HFM1: variants seen among roughly 807,000 people sequenced by gnomAD.
HFM1 encodes probable ATP-dependent DNA helicase HFM1.
HFM1 carries 169 observed loss-of-function variants against 192.1 expected under a neutral mutation model. The ratio of observed to expected loss-of-function variants is 0.88; its 90% confidence interval spans 0.78 to 1.00. The LOEUF (loss-of-function observed/expected upper bound fraction) is 1.00. Ranked by LOEUF, HFM1 falls within the 50% of genes least tolerant of loss-of-function variation. HFM1 has a pLI of 0.00. For synonymous variants in HFM1, 525 were observed against 537.8 expected (o/e 0.98, Z 0.33); for missense variants, 1,661 against 1,668.0 (o/e 1.00, Z 0.07).
At chr1:91,355,086 A>G (rs1349547793) in intron 13 of HFM1, among the ~76,000 whole-genome samples, 1 of 152,108 alleles carries the variant, frequency 6.6e-6, no homozygotes, top group Non-Finnish European at 1.5e-5. Context: ...AACAAACATA[A>G]ATTGTGGGGG....
intron 4 of HFM1, among the ~76,000 whole-genome samples, chr1:91,388,289 T>C (rs1163134450): frequency 2.6e-5 from 4 of 152,170 alleles, no homozygotes; most frequent in Non-Finnish European, 5.9e-5. Context: ...GGGAATCTCA[T>C]TTTCAGCTGG....
intron 30 of HFM1, among the ~76,000 whole-genome samples, chr1:91,296,432 G>A (rs1281853454): frequency 6.6e-6 from 1 of 151,884 alleles, no homozygotes; most frequent in African/African-American, 2.4e-5. Flanking sequence ...TTAATAACAG[G>A]TCTTGATATC....
At chr1:91,340,687 A>G (rs1337235348) in intron 20 of HFM1, among the ~76,000 whole-genome samples, 1 of 152,190 alleles carries the variant, frequency 6.6e-6, no homozygotes, top group Non-Finnish European at 1.5e-5. Context: ...ACCCAACTGT[A>G]TGTTGTCTTC....
At chr1:91,269,053 A>G (rs755910300) in intron 34 of HFM1, among the ~76,000 whole-genome samples, 1 of 152,124 alleles carries the variant, frequency 6.6e-6, no homozygotes, top group Non-Finnish European at 1.5e-5. Context: ...TTAATCTACA[A>G]TATTAAAATT....
At chr1:91,381,438 A>G (rs1012913537) in intron 6 of HFM1, among the ~76,000 whole-genome samples, 10 of 152,212 alleles carry the variant, frequency 6.6e-5, no homozygotes, top group Non-Finnish European at 1.5e-4. Flanking sequence ...CTGGTTACCT[A>G]ATACCAAATC....
rs746666290 is a variant in HFM1 at position 91,379,081 on chromosome 1, A to G, written c.1140T>C (p.His380=). 5.7e-6 allele frequency: 9 copies of G among 1,576,846 alleles called. No homozygotes were observed. The highest frequency in any genetic ancestry group is 7.7e-6 in the Non-Finnish European group (9 of 1,161,490). Residue 380 remains histidine, a synonymous_variant, in exon 9 of 39, where the codon CAT becomes CAC. Transcript: ENST00000370425. ...TACCTACTGGAGTTGTCATAATAAT[A>G]TGGGCATGCTGAATCTCAAATAGAT... ...MDDLFEIQHA[H]IIMTTPEKWD... is the part of the protein sequence containing the mutation.
chr1:91,393,657 T>C (rs1663276803), intron 4 of HFM1, among the ~76,000 whole-genome samples: 3 of 152,156 alleles, frequency 2.0e-5, no homozygotes, highest in Admixed American at 1.3e-4. Context: ...ACTAATAAGA[T>C]AACCTTTCAA....
In HFM1 at chr1:91,396,364, G is replaced by A; in HGVS notation, c.113C>T (p.Pro38Leu). The A allele has an allele frequency of 3.7e-6, 6 of 1,604,522 alleles. No individual in the cohort carries two copies. Among genetic ancestry groups the A allele is most frequent in the Non-Finnish European group, 5.1e-6 (6 of 1,174,378 alleles). Reference protein sequence around the residue: ...NEKSLDWFLPPAPLISEIPDT... With the variant: ...NEKSLDWFLPLAPLISEIPDT... ...TGGAATTTCTGAAATCAATGGAGCA[G>A]GAGGGAGAAACCAATCCAATGACTT... The change falls in exon 3 of 39, where the codon CCT becomes CTT. Residue 38 changes from proline (P) to leucine (L), a missense_variant. Transcript: ENST00000370425.
intron 13 of HFM1, among the ~76,000 whole-genome samples, chr1:91,357,499 A>G (rs2101794839): frequency 6.6e-6 from 1 of 152,362 alleles, no homozygotes; most frequent in African/African-American, 2.4e-5. Flanking sequence ...AGCCAACATC[A>G]TAATCAATGG....
intron 35 of HFM1, 34 bp downstream of exon 35, chr1:91,267,706 ATTCCT>A: frequency 1.1e-6 from 1 of 915,004 alleles, no homozygotes; most frequent in East Asian, 2.8e-5. Flanking sequence ...TATTCAAAGA[ATTCCT>A]AATGAAATGA....
Position 91,378,388 on chromosome 1 carries a change from G to A in HFM1, c.1236+15C>T, listed in dbSNP as rs760569848. The A allele has an allele frequency of 8.4e-6, 13 of 1,542,812 alleles. No individual in the cohort carries two copies. Among genetic ancestry groups the A allele is most frequent in the East Asian group, 6.8e-5 (3 of 44,188 alleles). On this transcript the variant is annotated intron_variant, in intron 10 of 38. Transcript: ENST00000370425. Reference sequence around the variant, plus strand: ...TCCTTTTATGTTTATCTCTGAAAGCGAATGCATTCATTACCTCATCAATGA... The same window carrying A: ...TCCTTTTATGTTTATCTCTGAAAGCAAATGCATTCATTACCTCATCAATGA...
intron 30 of HFM1, among the ~76,000 whole-genome samples, chr1:91,303,106 T>C (rs1320850723): frequency 6.6e-6 from 1 of 152,196 alleles, no homozygotes; most frequent in Non-Finnish European, 1.5e-5. Flanking sequence ...ACAGTCATCA[T>C]ATAATTCCAG....
chr1:91,390,458 A>G lies in HFM1; in HGVS notation c.494+3635T>C, dbSNP rs532061569. On this transcript the variant is annotated intron_variant, in intron 4 of 38. Transcript: ENST00000370425. ...AAGAAAAAAAAAAAAAGAGAGAAAG[A>G]AAGGAAGGAAGGAAGGAAGGAGGGA... 4.6e-5 allele frequency among the ~76,000 whole-genome samples: 7 copies of G among 151,112 alleles called. No homozygotes were observed. The East Asian group carries it at 7.8e-4, about 17-fold the overall frequency.
intron 13 of HFM1, among the ~76,000 whole-genome samples, chr1:91,370,596 T>C (rs906169444): frequency 6.6e-6 from 1 of 152,128 alleles, no homozygotes; most frequent in African/African-American, 2.4e-5. Context: ...TATCTCAAAA[T>C]AATAAGAGCT....
chr1:91,396,225 G>A (rs1406026076), intron 3 of HFM1, 68 bp downstream of exon 3: 3 of 683,626 alleles, frequency 4.4e-6, no homozygotes, highest in Admixed American at 5.7e-5. Context: ...ATCAAATCAG[G>A]GTTTTTTAAA....
rs71087940 is a variant in HFM1 at position 91,264,361 on chromosome 1, ATTTTTTTTTTT to A, written c.3974+1645_3974+1655del. 5.8e-3 allele frequency among the ~76,000 whole-genome samples: 330 copies of A among 57,096 alleles called. 7 individuals are homozygous for A. The highest frequency in any genetic ancestry group is 0.044 in the Middle Eastern group (3 of 68). The allele number at this position is 57,096 out of a possible 152,430, so 37.5% of individuals were successfully genotyped here. On this transcript the variant is annotated intron_variant, in intron 36 of 38. Transcript: ENST00000370425. ...TTCCAAGGGATACCACAAATTTAGT[ATTTTTTTTTTT>A]TTTTTTTTTTTTTTTTTTGAGACGG...
chr1:91,289,229 G>A (rs1326929807), intron 30 of HFM1, among the ~76,000 whole-genome samples: 14 of 150,660 alleles, frequency 9.3e-5, no homozygotes, highest in South Asian at 2.1e-4. Context: ...AGACGGGGTC[G>A]CGGCCGGACA....
chr1:91,318,168 G>A (rs951638594), intron 25 of HFM1, among the ~76,000 whole-genome samples: 1 of 152,120 alleles, frequency 6.6e-6, no homozygotes, highest in Non-Finnish European at 1.5e-5. Flanking sequence ...TCTGTAAGAA[G>A]GTGAGCCTTT....
At chr1:91,283,158 G>A (rs1312296251) in intron 30 of HFM1, among the ~76,000 whole-genome samples, 1 of 152,104 alleles carries the variant, frequency 6.6e-6, no homozygotes, top group Non-Finnish European at 1.5e-5. Flanking sequence ...CCTACCTCCT[G>A]AGAATTGTCT....
Sources: gnomAD v4.1 joint callset for allele counts (sites outside exome capture counted in the v4.1 genomes callset) on GRCh38, gnomAD v4.1.1 for gene constraint, MANE v1.5 for transcripts, NCBI Gene and HGNC (gene_info 2026-07-23, HGNC 2026-07-21) for gene names.